Variants in AGBL4 observed in about 807,000 individuals in gnomAD.
AGBL4 encodes the protein AGBL carboxypeptidase 4.
AGBL4 carries 58 observed loss-of-function variants against 66.4 expected under a neutral mutation model. The observed-to-expected ratio is 0.87, with a 90% CI of 0.71 to 1.09. The LOEUF (loss-of-function observed/expected upper bound fraction) is 1.09, where lower values mean the gene tolerates loss of function less well. AGBL4 is among the 50% of genes least tolerant of loss of function. AGBL4 has a pLI of 0.00. For synonymous variants in AGBL4, 234 were observed against 222.9 expected (o/e 1.05, Z -0.44); for missense variants, 579 against 631.0 (o/e 0.92, Z 0.88).
At chr1:48,540,853 C>A (rs1440224329) in intron 11 of AGBL4, among the ~76,000 whole-genome samples, 2 of 152,132 alleles carry the variant, frequency 1.3e-5, no homozygotes, top group African/African-American at 4.8e-5. Flanking sequence ...CCTGTCCTAA[C>A]TAGTTTCCCT....
intron 3 of AGBL4, among the ~76,000 whole-genome samples, chr1:49,490,675 T>A (rs1402061557): frequency 6.6e-6 from 1 of 151,640 alleles, no homozygotes; most frequent in Non-Finnish European, 1.5e-5. Context: ...ATCTGAAAAA[T>A]CCCAAGGAAT....
intron 3 of AGBL4, among the ~76,000 whole-genome samples, chr1:49,603,943 C>T (rs1041957942): frequency 7.0e-6 from 1 of 141,988 alleles, no homozygotes; most frequent in African/African-American, 2.8e-5. Flanking sequence ...CACACACACA[C>T]ACACACACAC....
At chr1:49,273,474 A>T (rs1644103928) in intron 3 of AGBL4, among the ~76,000 whole-genome samples, 1 of 150,578 alleles carries the variant, frequency 6.6e-6, no homozygotes, top group Non-Finnish European at 1.5e-5. Flanking sequence ...AATATAAAAA[A>T]TTTAAAAATT....
intron 3 of AGBL4, among the ~76,000 whole-genome samples, chr1:49,318,460 T>C (rs1243975330): frequency 6.6e-6 from 1 of 151,920 alleles, no homozygotes; most frequent in Non-Finnish European, 1.5e-5. Context: ...ATGGGGCTTA[T>C]TGTATGCCAA....
intron 5 of AGBL4, among the ~76,000 whole-genome samples, chr1:49,042,054 A>G (rs904810331): frequency 6.6e-6 from 1 of 151,938 alleles, no homozygotes; most frequent in Admixed American, 6.6e-5. Context: ...ATCCTTAATT[A>G]TATATGTTTT....
intron 6 of AGBL4, among the ~76,000 whole-genome samples, chr1:48,852,634 A>G (rs1305101785): frequency 6.6e-6 from 1 of 152,214 alleles, no homozygotes; most frequent in East Asian, 1.9e-4. Flanking sequence ...AATGTTTCAC[A>G]CTTTCACTAC....
chr1:48,551,906 C>T (rs1344824643), intron 11 of AGBL4, among the ~76,000 whole-genome samples: 2 of 152,104 alleles, frequency 1.3e-5, no homozygotes, highest in Admixed American at 1.3e-4. Context: ...TGAAGAGAAG[C>T]CAAGTTAGAG....
At chr1:49,667,525 G>T (rs938041718) in intron 3 of AGBL4, among the ~76,000 whole-genome samples, 4 of 152,122 alleles carry the variant, frequency 2.6e-5, no homozygotes, top group African/African-American at 9.6e-5. Context: ...AAAAAAATAA[G>T]CATAAATATT....
At chr1:49,028,180 C>A (rs1474879098) in intron 5 of AGBL4, among the ~76,000 whole-genome samples, 1 of 152,108 alleles carries the variant, frequency 6.6e-6, no homozygotes, top group Non-Finnish European at 1.5e-5. Context: ...AGTAAAACAA[C>A]AGACTAGCTA....
intron 11 of AGBL4, chr1:48,584,713 C>T (rs926677730): frequency 8.5e-5 from 13 of 152,390 alleles, no homozygotes; most frequent in African/African-American, 3.1e-4. Context: ...GAGACTCCAT[C>T]TCAAAAACAA....
At position 49,816,794 on chromosome 1, in the gene AGBL4, C is replaced by T. The variant is rs115881139; in HGVS notation, c.157+34602G>A. On this transcript the variant is annotated intron_variant, in intron 2 of 13. Coordinates refer to ENST00000371839, the MANE Select transcript of AGBL4 (RefSeq NM_032785.4). ...AATTGGCAGCATCTCTAATACTGCTCATAGACATTATGCTGTGGTCAAGAA... is the reference window on the plus strand; with the variant it reads ...AATTGGCAGCATCTCTAATACTGCTTATAGACATTATGCTGTGGTCAAGAA... 7.0e-3 allele frequency among the ~76,000 whole-genome samples: 1,061 copies of T among 152,260 alleles called. 11 individuals carry two copies. Among genetic ancestry groups the T allele is most frequent in the African/African-American group, 0.024 (987 of 41,540 alleles).
intron 1 of AGBL4, among the ~76,000 whole-genome samples, chr1:49,904,574 A>G (rs1321332858): frequency 6.6e-6 from 1 of 152,182 alleles, no homozygotes; most frequent in East Asian, 1.9e-4. Flanking sequence ...CTCCAATAGC[A>G]TTTGTCTCCA....
At chr1:49,532,638 T>C (rs1275286771) in intron 3 of AGBL4, among the ~76,000 whole-genome samples, 3 of 152,124 alleles carry the variant, frequency 2.0e-5, no homozygotes, top group African/African-American at 7.2e-5. Context: ...TTTAATTACA[T>C]TTAGTTTAAT....
At chr1:48,804,795 T>C (rs1260207723) in intron 6 of AGBL4, among the ~76,000 whole-genome samples, 2 of 152,308 alleles carry the variant, frequency 1.3e-5, no homozygotes, top group East Asian at 1.9e-4. Context: ...AATAGAAACA[T>C]GTGCTGCAGA....
chr1:48,919,530 A>G (rs1338521957), intron 5 of AGBL4, among the ~76,000 whole-genome samples: 1 of 152,194 alleles, frequency 6.6e-6, no homozygotes, highest in Admixed American at 6.5e-5. Flanking sequence ...ATTCAAGTCT[A>G]CAAAGAGCTC....
At chr1:49,403,014 T>C (rs368422920) in intron 3 of AGBL4, among the ~76,000 whole-genome samples, 1 of 152,232 alleles carries the variant, frequency 6.6e-6, no homozygotes, top group South Asian at 2.1e-4. Flanking sequence ...ATTTGGTCTA[T>C]AGAGGATATT....
chr1:49,917,041 A>G (rs1163099341), intron 1 of AGBL4, among the ~76,000 whole-genome samples: 1 of 152,180 alleles, frequency 6.6e-6, no homozygotes, highest in African/African-American at 2.4e-5. Context: ...ATGCTGAGAG[A>G]TTTTGTCACC....
chr1:49,555,686 GA>G lies in AGBL4; in HGVS notation c.282+141626del, dbSNP rs1338030275. ...ACAAAGAACTCAAACAAATTTACAAGAAAAAAAAAAACCCATCAAAAAGTGG... is the reference window on the plus strand; with the variant it reads ...ACAAAGAACTCAAACAAATTTACAAGAAAAAAAAAACCCATCAAAAAGTGG... On this transcript the variant is annotated intron_variant, in intron 3 of 13. Transcript: ENST00000371839. Among the ~76,000 whole-genome samples the G allele has an allele frequency of 3.9e-3, 556 of 140,952 alleles. 1 individual carries two copies. The highest frequency in any genetic ancestry group is 5.5e-3 in the Non-Finnish European group (356 of 64,402). The allele number at this position is 140,952 out of a possible 152,430, so 92.5% of individuals were successfully genotyped here. A position where few individuals can be genotyped will look rare whatever the true frequency, so the allele number is the denominator to read the frequency against.
intron 3 of AGBL4, among the ~76,000 whole-genome samples, chr1:49,437,766 T>C (rs1195466936): frequency 6.8e-6 from 1 of 147,676 alleles, no homozygotes; most frequent in Non-Finnish European, 1.5e-5. Flanking sequence ...TGGAAATTAT[T>C]AGAAAAAAAT....
Sources: gnomAD v4.1 joint callset for allele counts (sites outside exome capture counted in the v4.1 genomes callset) on GRCh38, gnomAD v4.1.1 for gene constraint, MANE v1.5 for transcripts, NCBI Gene and HGNC (gene_info 2026-07-23, HGNC 2026-07-21) for gene names.